Variants in RALGAPA2 observed in about 807,000 individuals in gnomAD.
RALGAPA2 encodes ral GTPase-activating protein subunit alpha-2.
A neutral mutation model predicts 230.4 loss-of-function variants in RALGAPA2; 139 were observed. The ratio of observed to expected loss-of-function variants is 0.60; its 90% CI spans 0.53 to 0.69. RALGAPA2 has a LOEUF of 0.69. RALGAPA2 is among the 30% of genes least tolerant of loss of function. The probability of loss-of-function intolerance (pLI) is 0.00; values close to 1 mark genes in which losing one functional copy is unlikely to be tolerated. For missense variants in RALGAPA2, 2,163 were observed against 2,276.0 expected (o/e 0.95, Z 1.01); for synonymous variants, 847 against 837.8 (o/e 1.01, Z -0.19).
intron 37 of RALGAPA2, among the ~76,000 whole-genome samples, chr20:20,470,286 T>G (rs925380047): frequency 4.6e-5 from 7 of 152,210 alleles, no homozygotes; most frequent in Admixed American, 3.3e-4. Context: ...AAAATTAATA[T>G]GTAACTGCCC....
intron 1 of RALGAPA2, among the ~76,000 whole-genome samples, chr20:20,692,292 T>G (rs940633922): frequency 6.6e-6 from 1 of 152,142 alleles, no homozygotes; most frequent in Non-Finnish European, 1.5e-5. Flanking sequence ...TATAAAAAAA[T>G]TTTCCATAAA....
At chr20:20,588,717 A>C (rs2065202295) in intron 18 of RALGAPA2, among the ~76,000 whole-genome samples, 1 of 152,156 alleles carries the variant, frequency 6.6e-6, no homozygotes, top group African/African-American at 2.4e-5. Flanking sequence ...TTTATTTTGT[A>C]TCTTTCTGTG....
At chr20:20,432,732 G>GA (rs968476646) in intron 37 of RALGAPA2, among the ~76,000 whole-genome samples, 22 of 146,694 alleles carry the variant, frequency 1.5e-4, no homozygotes, top group East Asian at 9.9e-4. Flanking sequence ...GAATGATTTT[G>GA]AAAAAAAAAA....
At chr20:20,603,700 T>C (rs554451001) in intron 15 of RALGAPA2, among the ~76,000 whole-genome samples, 3 of 152,324 alleles carry the variant, frequency 2.0e-5, no homozygotes, top group Admixed American at 6.5e-5. Context: ...CACAGCGTGG[T>C]TGACTGCAAA....
chr20:20,681,150 A>G (rs1052767587), intron 1 of RALGAPA2, among the ~76,000 whole-genome samples: 4 of 152,188 alleles, frequency 2.6e-5, no homozygotes, highest in Admixed American at 1.3e-4. Context: ...GTAGAGGTTC[A>G]TGGAGGAGGC....
intron 39 of RALGAPA2, among the ~76,000 whole-genome samples, chr20:20,394,349 C>G (rs532970861): frequency 6.6e-6 from 1 of 152,050 alleles, no homozygotes; most frequent in Admixed American, 6.6e-5. Context: ...TCAGTCAGGT[C>G]GGGCATACAG....
In RALGAPA2 at chr20:20,574,797, C is replaced by T. The variant is rs546486361; in HGVS notation, c.2708-1729G>A. 5.3e-5 allele frequency among the ~76,000 whole-genome samples: 8 copies of T among 152,260 alleles called. No homozygotes were observed. The East Asian group carries it at 1.5e-3, about 29-fold the overall frequency. On this transcript the variant is annotated intron_variant, in intron 20 of 39. Transcript: ENST00000202677. The stretch of plus-strand genomic sequence containing the variant: ...TGCTTCCATGACCAAGCACATTCCT[C>T]TAATCTCTCGCAGCTCAGTTTTTAA...
chr20:20,505,516 G>C lies in RALGAPA2; in HGVS notation c.4947C>G (p.Ile1649Met). The C allele has an allele frequency of 6.3e-7, 1 of 1,594,244 alleles. No homozygotes were observed. Among genetic ancestry groups the C allele is most frequent in the Non-Finnish European group, 8.5e-7 (1 of 1,170,798 alleles). ...DSRQCRETHK[I>M]AVFYIAEGQE... is the part of the protein sequence containing the mutation. ...GACCTTCAGCAATGTAAAACACTGCGATTTTGTGTGTCTCACGGCTATAAA... is the reference window on the plus strand; with the variant it reads ...GACCTTCAGCAATGTAAAACACTGCCATTTTGTGTGTCTCACGGCTATAAA... Residue 1649 changes from isoleucine (I) to methionine (M), a missense_variant, in exon 34 of 40, where the codon ATC becomes ATG. Ile to Met is a conservative substitution (Grantham distance 10, BLOSUM62 1). Transcript: ENST00000202677.
chr20:20,612,783 G>A lies in RALGAPA2; in HGVS notation c.1689-1357C>T, dbSNP rs144045321. ...GCACAGTGCTGGGGGACAGCTTGTCGCTCATCACATTCAGGGTACCCAGGC... is the reference window on the plus strand; with the variant it reads ...GCACAGTGCTGGGGGACAGCTTGTCACTCATCACATTCAGGGTACCCAGGC... On this transcript the variant is annotated intron_variant, in intron 13 of 39. Transcript: ENST00000202677. Among the ~76,000 whole-genome samples, 1,101 of 152,266 alleles carry A rather than the reference G, an allele frequency of 7.2e-3. 10 individuals carry two copies. The highest frequency in any genetic ancestry group is 0.025 in the African/African-American group (1,053 of 41,540).
At chr20:20,500,961 A>C (rs375534812) in intron 35 of RALGAPA2, among the ~76,000 whole-genome samples, 1 of 152,228 alleles carries the variant, frequency 6.6e-6, no homozygotes, top group African/African-American at 2.4e-5. Context: ...CTCTGAAATA[A>C]ATCTTTTATT....
chr20:20,541,737 A>G (rs931341919), intron 24 of RALGAPA2, among the ~76,000 whole-genome samples: 4 of 152,212 alleles, frequency 2.6e-5, no homozygotes, highest in African/African-American at 9.7e-5. Context: ...GAAACTGAGG[A>G]TAAAGTGGGG....
intron 16 of RALGAPA2, among the ~76,000 whole-genome samples, chr20:20,596,330 G>A (rs1014633833): frequency 6.6e-6 from 1 of 152,140 alleles, no homozygotes; most frequent in Admixed American, 6.5e-5. Context: ...AACAAAAAAA[G>A]TTAAATGTAA....
At position 20,423,382 on chromosome 20, in the gene RALGAPA2, C is replaced by G. The variant is rs560057290; in HGVS notation, c.5496-11234G>C. On this transcript the variant is annotated intron_variant, in intron 37 of 39. Transcript: ENST00000202677. ...TGCAATGTTAGGGAACCACCCCCAC[C>G]CCCACCAGAGGGTGGGCAGAAGTGA... 1.8e-4 allele frequency among the ~76,000 whole-genome samples: 27 copies of G among 152,214 alleles called. 2 individuals carry two copies. In the East Asian group the frequency reaches 4.6e-3, roughly 26 times the overall value.
intron 3 of RALGAPA2, among the ~76,000 whole-genome samples, chr20:20,665,221 A>G (rs1008606238): frequency 2.0e-5 from 3 of 152,346 alleles, no homozygotes; most frequent in African/African-American, 7.2e-5. Context: ...TGAATTTCCC[A>G]TATCTTTAGC....
intron 9 of RALGAPA2, among the ~76,000 whole-genome samples, chr20:20,633,802 T>TA (rs1443690153): frequency 6.6e-6 from 1 of 152,220 alleles, no homozygotes; most frequent in Non-Finnish European, 1.5e-5. Context: ...ATTTTGTTTT[T>TA]ATTGTAGACC....
chr20:20,606,614 G>A (rs2065828920), intron 14 of RALGAPA2, among the ~76,000 whole-genome samples: 2 of 151,842 alleles, frequency 1.3e-5, no homozygotes, highest in Admixed American at 1.3e-4. Context: ...CTTCCTCCAA[G>A]AAGGTATCCT....
chr20:20,647,720 A>AT (rs565302775), intron 4 of RALGAPA2, among the ~76,000 whole-genome samples: 2 of 152,080 alleles, frequency 1.3e-5, no homozygotes, highest in African/African-American at 2.4e-5. Flanking sequence ...TCAATCTGAG[A>AT]TTTTTTTTAA....
intron 14 of RALGAPA2, among the ~76,000 whole-genome samples, chr20:20,609,714 CA>C (rs2065921258): frequency 1.3e-5 from 2 of 152,186 alleles, no homozygotes; most frequent in Admixed American, 1.3e-4. Flanking sequence ...AGCCCAGGTC[CA>C]GGACGGGGAG....
Position 20,605,171 on chromosome 20 carries a change from A to G in RALGAPA2, c.2038+4T>C. On this transcript the variant is annotated splice_donor_region_variant and intron_variant, in intron 15 of 39. Coordinates refer to ENST00000202677, the MANE Select transcript of RALGAPA2 (RefSeq NM_020343.4). The stretch of plus-strand genomic sequence containing the variant: ...CTGGTGTTAACCTGGAAGAGTGGAA[A>G]TACCTTTGCCTCGTTGCTTCTTTTC... The G allele has an allele frequency of 1.3e-6, 2 of 1,590,632 alleles. No individual in the cohort carries two copies. Among genetic ancestry groups the G allele is most frequent in the Non-Finnish European group, 1.7e-6 (2 of 1,162,698 alleles).
Sources: allele counts gnomAD v4.1 joint callset (sites outside exome capture counted in the v4.1 genomes callset), GRCh38; gene constraint gnomAD v4.1.1; transcripts MANE v1.5; gene names NCBI Gene and HGNC (gene_info 2026-07-23, HGNC 2026-07-21).